GSE1: variants seen among roughly 807,000 people sequenced by gnomAD.
The protein encoded by GSE1 is Gse1 coiled-coil protein, also known as genetic suppressor element 1.
In GSE1, 32 loss-of-function variants were observed where a neutral mutation model predicts 112.6. That is an observed-to-expected ratio of 0.28 (90% CI 0.21 to 0.38). GSE1 has a LOEUF of 0.38. GSE1 is among the 10% of genes least tolerant of loss of function. The probability of loss-of-function intolerance (pLI) is 1.00; values close to 1 mark genes in which losing one functional copy is unlikely to be tolerated. For missense variants in GSE1, 2,348 were observed against 1,699.2 expected, an observed-to-expected ratio of 1.38 and a Z score of -6.71; for synonymous variants, 1,115 against 735.6, an observed-to-expected ratio of 1.52 and a Z score of -8.35.
intron 2 of GSE1, among the ~76,000 whole-genome samples, chr16:85,442,278 C>A (rs2049393970): frequency 6.6e-6 from 1 of 152,186 alleles, no homozygotes; most frequent in African/African-American, 2.4e-5. Context: ...ATGGGGCCCC[C>A]AGTTGCTGCA....
chr16:85,338,690 CT>C (rs1440105488), intron 1 of GSE1, among the ~76,000 whole-genome samples: 1 of 152,218 alleles, frequency 6.6e-6, no homozygotes, highest in Non-Finnish European at 1.5e-5. Flanking sequence ...ATACACCCAT[CT>C]TGAGTCACTT....
intron 2 of GSE1, among the ~76,000 whole-genome samples, chr16:85,498,051 G>A (rs563371060): frequency 6.6e-6 from 1 of 152,238 alleles, no homozygotes; most frequent in South Asian, 2.1e-4. Context: ...CAGTGGGGTG[G>A]GGGTGGGGTG....
intron 2 of GSE1, among the ~76,000 whole-genome samples, chr16:85,546,269 A>G (rs1204641414): frequency 1.3e-5 from 2 of 152,044 alleles, no homozygotes; most frequent in African/African-American, 2.4e-5. Context: ...ATTTCTTAGT[A>G]GAGATGGGGT....
chr16:85,385,870 G>C (rs1390338796), intron 2 of GSE1, among the ~76,000 whole-genome samples: 3 of 152,214 alleles, frequency 2.0e-5, no homozygotes, highest in South Asian at 4.1e-4. Context: ...TCCAGCTCCA[G>C]CTTGAGACGG....
rs2053599671 is a variant in GSE1, at chr16:85,674,929, T to C, written c.*2390T>C. 1.3e-5 allele frequency: 2 copies of C among 152,540 alleles called. No individual in the cohort carries two copies. Among genetic ancestry groups the C allele is most frequent in the Non-Finnish European group, 2.9e-5 (2 of 68,012 alleles). 9.4% of individuals were successfully genotyped at this position (152,540 alleles called of 1,614,324 possible). On this transcript the variant is annotated 3_prime_UTR_variant, in exon 16 of 16. Transcript: ENST00000253458. ...TACTCTACTCTTGCTCAAGAAGTAA[T>C]ACGACAATCAGAATACAAACCAGTA...
chr16:85,339,951 C>T (rs1039042885), intron 1 of GSE1, among the ~76,000 whole-genome samples: 4 of 152,142 alleles, frequency 2.6e-5, no homozygotes, highest in Non-Finnish European at 2.9e-5. Flanking sequence ...AGGGCGGGGG[C>T]CAGATAAATA....
chr16:85,254,508 G>C (rs1258712403), intron 1 of GSE1, among the ~76,000 whole-genome samples: 2 of 152,214 alleles, frequency 1.3e-5, no homozygotes, highest in African/African-American at 4.8e-5. Flanking sequence ...CTGACCCCAG[G>C]AGGTCTGGCA....
At chr16:85,174,648 G>T (rs2143181988) in intron 1 of GSE1, among the ~76,000 whole-genome samples, 1 of 152,346 alleles carries the variant, frequency 6.6e-6, no homozygotes, top group South Asian at 2.1e-4. Flanking sequence ...GGGGGAGGGG[G>T]ACACACATGA....
intron 1 of GSE1, among the ~76,000 whole-genome samples, chr16:85,602,473 C>T (rs978682640): frequency 4.6e-5 from 7 of 152,126 alleles, no homozygotes; most frequent in South Asian, 2.1e-4. Context: ...GTTCTAGAAC[C>T]GCTCCTGGTC....
chr16:85,232,753 A>C (rs1904300778), intron 1 of GSE1, among the ~76,000 whole-genome samples: 1 of 152,270 alleles, frequency 6.6e-6, no homozygotes, highest in Non-Finnish European at 1.5e-5. Flanking sequence ...GTCTCAGCTC[A>C]AAAGCCACTT....
At chr16:85,618,171 G>A (rs1406173601) in intron 1 of GSE1, among the ~76,000 whole-genome samples, 2 of 152,160 alleles carry the variant, frequency 1.3e-5, no homozygotes, top group Admixed American at 1.3e-4. Flanking sequence ...GGAGGTGTGT[G>A]TAATAGTGGC....
chr16:85,185,441 ACCT>A (rs981489058), intron 1 of GSE1: 9 of 152,224 alleles, frequency 5.9e-5, no homozygotes, highest in African/African-American at 2.2e-4. Flanking sequence ...TTGGCAGAGG[ACCT>A]CCCAGCAGCC....
chr16:85,265,918 C>G (rs1408760239), intron 1 of GSE1, among the ~76,000 whole-genome samples: 1 of 152,176 alleles, frequency 6.6e-6, no homozygotes, highest in South Asian at 2.1e-4. Flanking sequence ...CTGGCCTTGA[C>G]ATTTTCTGGG....
At chr16:85,175,136 GAAGA>G (rs1313447573) in intron 1 of GSE1, among the ~76,000 whole-genome samples, 8 of 152,210 alleles carry the variant, frequency 5.3e-5, no homozygotes, top group Admixed American at 1.3e-4. Flanking sequence ...AAAATAAAGA[GAAGA>G]AAGAAAGAAG....
intron 1 of GSE1, among the ~76,000 whole-genome samples, chr16:85,255,663 A>G (rs1349532863): frequency 2.0e-5 from 3 of 151,856 alleles, no homozygotes; most frequent in East Asian, 3.9e-4. Flanking sequence ...TTGGCCTCCC[A>G]AAGTGCTGGG....
chr16:85,226,617 G>A (rs919057512), intron 1 of GSE1, among the ~76,000 whole-genome samples: 9 of 152,316 alleles, frequency 5.9e-5, no homozygotes, highest in Non-Finnish European at 1.2e-4. Context: ...GGAGCAGGCT[G>A]CTGCCGGTGC....
intron 2 of GSE1, among the ~76,000 whole-genome samples, chr16:85,475,167 A>G (rs919967478): frequency 2.6e-5 from 4 of 152,112 alleles, no homozygotes; most frequent in African/African-American, 7.2e-5. Flanking sequence ...CAAGGCCCCA[A>G]CTTTTCCATC....
intron 1 of GSE1, among the ~76,000 whole-genome samples, chr16:85,217,682 A>G (rs917349940): frequency 6.6e-6 from 1 of 152,184 alleles, no homozygotes; most frequent in Non-Finnish European, 1.5e-5. Flanking sequence ...AGTGAAGGCC[A>G]GCAAGCAGGA....
In GSE1 at chr16:85,183,811, G is replaced by T. The variant is rs146713376; in HGVS notation, c.2283+12004G>T. Among the ~76,000 whole-genome samples, 235 of 152,326 alleles carry T rather than the reference G, an allele frequency of 1.5e-3. 2 individuals carry two copies. Among genetic ancestry groups the T allele is most frequent in the African/African-American group, 5.6e-3 (231 of 41,578 alleles). On this transcript the variant is annotated intron_variant, in intron 1 of 2. Transcript: ENST00000637419. ...GACACGTGCCAAGGTCAGAGCTGGG[G>T]AGCAGCAGAGCTGACATGGGATCCC...
Sources: allele counts gnomAD v4.1 joint callset (sites outside exome capture counted in the v4.1 genomes callset), GRCh38; gene constraint gnomAD v4.1.1; transcripts MANE v1.5; gene names NCBI Gene and HGNC (gene_info 2026-07-23, HGNC 2026-07-21).